Variants in HTR1E observed in about 807,000 individuals in gnomAD.
HTR1E encodes the protein 5-hydroxytryptamine receptor 1E, also known as 5-HT-1E.
HTR1E carries 3 observed loss-of-function variants against 3.4 expected under a neutral mutation model. The ratio of observed to expected loss-of-function variants is 0.89; its 90% CI spans 0.41 to 2.31. The LOEUF is 2.31. HTR1E is among the 30% of genes most tolerant of loss of function. The pLI, the probability that HTR1E is intolerant of heterozygous loss-of-function variation, is 0.05. For synonymous variants in HTR1E, 170 were observed against 182.8 expected (o/e 0.93, Z 0.56); for missense variants, 392 against 467.0 (o/e 0.84, Z 1.48).
chr6:86,980,393 A>AAAAAAAAAG (rs781271747), intron 1 of HTR1E, among the ~76,000 whole-genome samples: 12,082 of 149,570 alleles, frequency 0.081, 756 homozygotes, highest in African/African-American at 0.16. Flanking sequence ...TCTCAAAAAA[A>AAAAAAAAAG]AAAAAAAGAA....
intron 1 of HTR1E, among the ~76,000 whole-genome samples, chr6:86,993,673 C>T (rs1464940812): frequency 7.2e-5 from 11 of 152,114 alleles, no homozygotes; most frequent in Admixed American, 7.2e-4. Flanking sequence ...CCTCTTCTCT[C>T]CCTGGAGCAA....
At chr6:87,008,771 C>A (rs1440751439) in intron 1 of HTR1E, among the ~76,000 whole-genome samples, 1 of 152,084 alleles carries the variant, frequency 6.6e-6, no homozygotes, top group Non-Finnish European at 1.5e-5. Context: ...CTTTTTAAAC[C>A]TCTTAAATTA....
intron 1 of HTR1E, chr6:86,971,117 C>T (rs574598473): frequency 2.4e-4 from 121 of 509,266 alleles, no homozygotes; most frequent in Non-Finnish European, 4.0e-4. Flanking sequence ...AAGAAAAGAC[C>T]ACTCATTTTG....
chr6:86,961,605 T>C (rs1240616906), intron 1 of HTR1E, among the ~76,000 whole-genome samples: 1 of 152,242 alleles, frequency 6.6e-6, no homozygotes, highest in East Asian at 1.9e-4. Context: ...GCGTGTATTG[T>C]TAGCCAGAGG....
At chr6:87,000,735 TG>T (rs1768010021) in intron 1 of HTR1E, among the ~76,000 whole-genome samples, 4 of 152,228 alleles carry the variant, frequency 2.6e-5, no homozygotes, top group Admixed American at 6.5e-5. Flanking sequence ...AGACCTGTCC[TG>T]CAAGAAATGC....
chr6:86,960,274 T>C (rs1278083003), intron 1 of HTR1E, among the ~76,000 whole-genome samples: 2 of 152,156 alleles, frequency 1.3e-5, no homozygotes, highest in Non-Finnish European at 2.9e-5. Context: ...GAATGCTGTG[T>C]CCTCACTTGG....
At position 86,970,221 on chromosome 6, in the gene HTR1E, G is replaced by C. The variant is rs80136015; in HGVS notation, c.-186+32398G>C. Among the ~76,000 whole-genome samples the C allele has an allele frequency of 9.6e-3, 1,466 of 152,118 alleles. 23 individuals are homozygous for C. Among genetic ancestry groups the C allele is most frequent in the African/African-American group, 0.033 (1,372 of 41,496 alleles). On this transcript the variant is annotated intron_variant, in intron 1 of 1. Coordinates refer to ENST00000305344, the MANE Select transcript of HTR1E (RefSeq NM_000865.3). ...ACAGCAACATTCAATAAATATACAG[G>C]GAAGAAAAAGGAATAAATAATACGA...
intron 1 of HTR1E, among the ~76,000 whole-genome samples, chr6:87,014,777 G>A (rs531638885): frequency 2.4e-4 from 37 of 152,198 alleles, no homozygotes; most frequent in African/African-American, 7.5e-4. Flanking sequence ...GCACAGGGCC[G>A]GGAACATGAC....
chr6:86,947,333 T>C (rs936502457), intron 1 of HTR1E, among the ~76,000 whole-genome samples: 7 of 152,218 alleles, frequency 4.6e-5, no homozygotes, highest in African/African-American at 1.7e-4. Context: ...CTCTTGGTTA[T>C]CTCAAAGAGT....
In HTR1E at chr6:87,015,489, A is replaced by G. The variant is rs1335793266; in HGVS notation, c.155A>G (p.Lys52Arg). 1 of 1,613,774 alleles carries G rather than the reference A, an allele frequency of 6.2e-7. No individual in the cohort carries two copies. The highest frequency in any genetic ancestry group is 8.5e-7 in the Non-Finnish European group (1 of 1,179,966). ...ATCATGGCTATTGGCACCACCAAGA[A>G]GCTCCACCAGCCTGCCAACTACCTA... ...AVIMAIGTTK[K>R]LHQPANYLIC... is the part of the protein sequence containing the mutation. Residue 52 changes from lysine to arginine, a missense_variant, in exon 2 of 2, where the codon AAG (lysine) becomes AGG (arginine). Lys to Arg is a conservative substitution (Grantham distance 26). Around this residue, in one of 3 missense-constraint regions of HTR1E, gnomAD observed 189 missense variants for 258.0 expected, o/e 0.73. Transcript: ENST00000305344.
chr6:86,978,103 T>C (rs1355627271), intron 1 of HTR1E, among the ~76,000 whole-genome samples: 1 of 152,234 alleles, frequency 6.6e-6, no homozygotes, highest in Non-Finnish European at 1.5e-5. Flanking sequence ...TTCTATATGC[T>C]TCCTACAGAT....
intron 1 of HTR1E, among the ~76,000 whole-genome samples, chr6:86,977,451 G>A (rs954584524): frequency 6.6e-6 from 1 of 152,158 alleles, no homozygotes. Flanking sequence ...ACCTAAGGAT[G>A]ATTCCATGTC....
intron 1 of HTR1E, among the ~76,000 whole-genome samples, chr6:86,961,134 A>G (rs1246642541): frequency 1.3e-5 from 2 of 152,192 alleles, no homozygotes; most frequent in Non-Finnish European, 1.5e-5. Flanking sequence ...TCAGCTTCCA[A>G]TATTTGGGGA....
chr6:86,946,976 C>T (rs1362410269), intron 1 of HTR1E, among the ~76,000 whole-genome samples: 5 of 152,170 alleles, frequency 3.3e-5, no homozygotes, highest in South Asian at 2.1e-4. Context: ...ATTAGCCATG[C>T]GTGGTGGCAC....
chr6:86,990,566 C>A (rs1767859067), intron 1 of HTR1E, among the ~76,000 whole-genome samples: 1 of 152,112 alleles, frequency 6.6e-6, no homozygotes, highest in South Asian at 2.1e-4. Context: ...AATAAATAAC[C>A]TAGTATTGGA....
chr6:86,953,686 C>T (rs1181258772), intron 1 of HTR1E, among the ~76,000 whole-genome samples: 1 of 152,144 alleles, frequency 6.6e-6, no homozygotes, highest in Non-Finnish European at 1.5e-5. Flanking sequence ...TCAGCCCAGA[C>T]TCAAGGAACA....
intron 1 of HTR1E, among the ~76,000 whole-genome samples, chr6:87,003,496 G>C (rs1450015896): frequency 6.6e-6 from 1 of 150,944 alleles, no homozygotes; most frequent in Non-Finnish European, 1.5e-5. Context: ...CTGAGACTGC[G>C]CCATTGCACT....
At chr6:87,002,431 C>T (rs1768037843) in intron 1 of HTR1E, among the ~76,000 whole-genome samples, 2 of 152,368 alleles carry the variant, frequency 1.3e-5, no homozygotes, top group Admixed American at 1.3e-4. Context: ...GAGGTTGCCA[C>T]TGCTGGCTCG....
Position 87,016,576 on chromosome 6 carries a change from G to A in HTR1E, c.*144G>A. 1 of 643,806 alleles carries A rather than the reference G, an allele frequency of 1.6e-6. No homozygotes were observed. Among genetic ancestry groups the A allele is most frequent in the Non-Finnish European group, 2.5e-6 (1 of 395,458 alleles). 39.9% of individuals were successfully genotyped at this position (643,806 alleles called of 1,614,324 possible). A position where few individuals can be genotyped will look rare whatever the true frequency, so the allele number is the denominator to read the frequency against. On this transcript the variant is annotated 3_prime_UTR_variant, in exon 2 of 2. Transcript: ENST00000305344. ...GTCTTGTTTCCTTGTTTGTTTGTTT[G>A]TTTTGTTCTGTTTTGTTTGAGGATT...
Sources: allele counts gnomAD v4.1 joint callset (sites outside exome capture counted in the v4.1 genomes callset), GRCh38; gene constraint gnomAD v4.1.1; regional missense constraint gnomAD v4.1.1; transcripts MANE v1.5; gene names NCBI Gene and HGNC (gene_info 2026-07-23, HGNC 2026-07-21).